ZSWIM6: variants seen among roughly 807,000 people sequenced by gnomAD.
ZSWIM6 encodes zinc finger SWIM domain-containing protein 6.
In ZSWIM6, 9 loss-of-function variants were observed where a neutral mutation model predicts 113.2. The ratio of observed to expected loss-of-function variants is 0.08; its 90% CI spans 0.05 to 0.14. The LOEUF (loss-of-function observed/expected upper bound fraction) is 0.14. Among genes scored for constraint, ZSWIM6 ranks in the 10% least tolerant of loss-of-function variants. ZSWIM6 has a pLI of 1.00. For missense variants in ZSWIM6, 1,162 were observed against 1,552.2 expected, an observed-to-expected ratio of 0.75 and a Z score of 4.22; for synonymous variants, 611 against 606.5, an observed-to-expected ratio of 1.01 and a Z score of -0.11.
At chr5:61,530,699 C>T (rs532130102) in intron 8 of ZSWIM6, among the ~76,000 whole-genome samples, 4 of 152,136 alleles carry the variant, frequency 2.6e-5, no homozygotes, top group Non-Finnish European at 5.9e-5. Flanking sequence ...CACTTTGGCC[C>T]ATTGAAACTT....
intron 1 of ZSWIM6, among the ~76,000 whole-genome samples, chr5:61,388,390 GA>G (rs1335145986): frequency 6.6e-6 from 1 of 152,158 alleles, no homozygotes; most frequent in Non-Finnish European, 1.5e-5. Flanking sequence ...AAAATTGTTT[GA>G]ATTAGTGGCC....
chr5:61,533,148 C>G (rs1300045078), intron 9 of ZSWIM6, among the ~76,000 whole-genome samples: 1 of 152,192 alleles, frequency 6.6e-6, no homozygotes, highest in Non-Finnish European at 1.5e-5. Context: ...TGAGAAGGAG[C>G]ATTGTTGACT....
chr5:61,457,577 A>G (rs1747230117), intron 1 of ZSWIM6, among the ~76,000 whole-genome samples: 1 of 152,042 alleles, frequency 6.6e-6, no homozygotes, highest in Non-Finnish European at 1.5e-5. Flanking sequence ...GCTGGAGTGC[A>G]CTGGCGTGAT....
At chr5:61,493,563 G>A (rs1195947302) in intron 3 of ZSWIM6, among the ~76,000 whole-genome samples, 1 of 152,076 alleles carries the variant, frequency 6.6e-6, no homozygotes, top group East Asian at 1.9e-4. Flanking sequence ...TTCTCTGATG[G>A]TAAGTACAAT....
At chr5:61,456,890 C>CTTTTTTTT (rs57188174) in intron 1 of ZSWIM6, among the ~76,000 whole-genome samples, 1 of 142,754 alleles carries the variant, frequency 7.0e-6, no homozygotes, top group African/African-American at 2.6e-5. Context: ...TATCCAATTT[C>CTTTTTTTT]TTTTTTTTTT....
intron 1 of ZSWIM6, among the ~76,000 whole-genome samples, chr5:61,459,039 A>G (rs1580006794): frequency 6.6e-6 from 1 of 152,186 alleles, no homozygotes; most frequent in Non-Finnish European, 1.5e-5. Flanking sequence ...AGCCTAAGCC[A>G]CTATGTACAT....
intron 1 of ZSWIM6, among the ~76,000 whole-genome samples, chr5:61,423,848 C>A (rs960580886): frequency 4.6e-5 from 7 of 152,290 alleles, no homozygotes; most frequent in Admixed American, 6.5e-5. Flanking sequence ...CACTTCCCCC[C>A]ACTCCCCATG....
At chr5:61,513,602 G>A (rs1748848341) in intron 4 of ZSWIM6, among the ~76,000 whole-genome samples, 1 of 151,736 alleles carries the variant, frequency 6.6e-6, no homozygotes, top group Non-Finnish European at 1.5e-5. Flanking sequence ...CAGTTTTATG[G>A]TTTTAATTTT....
At chr5:61,450,706 T>C (rs949405218) in intron 1 of ZSWIM6, among the ~76,000 whole-genome samples, 2 of 152,090 alleles carry the variant, frequency 1.3e-5, no homozygotes, top group African/African-American at 2.4e-5. Flanking sequence ...GACTCCAAAT[T>C]TGTGAGTAGT....
chr5:61,423,869 G>A (rs550256814), intron 1 of ZSWIM6, among the ~76,000 whole-genome samples: 1 of 152,196 alleles, frequency 6.6e-6, no homozygotes, highest in African/African-American at 2.4e-5. Flanking sequence ...CAAGAATTTC[G>A]ATACTGGCTG....
chr5:61,511,736 T>C (rs1561271646), intron 4 of ZSWIM6, among the ~76,000 whole-genome samples: 1 of 152,180 alleles, frequency 6.6e-6, no homozygotes, highest in East Asian at 1.9e-4. Context: ...TAAATGTTTG[T>C]TGTTTATGAG....
chr5:61,466,989 G>A (rs1296141775), intron 1 of ZSWIM6, among the ~76,000 whole-genome samples: 1 of 152,204 alleles, frequency 6.6e-6, no homozygotes, highest in Non-Finnish European at 1.5e-5. Flanking sequence ...GTGTTCATGT[G>A]TGAGGACTTT....
At chr5:61,366,945 A>AG (rs1745168055) in intron 1 of ZSWIM6, among the ~76,000 whole-genome samples, 1 of 151,232 alleles carries the variant, frequency 6.6e-6, no homozygotes, top group East Asian at 1.9e-4. Flanking sequence ...AAAAAAAAAA[A>AG]GGCACAGAAG....
At chr5:61,353,925 G>T (rs905756473) in intron 1 of ZSWIM6, among the ~76,000 whole-genome samples, 7 of 152,226 alleles carry the variant, frequency 4.6e-5, no homozygotes, top group Non-Finnish European at 1.0e-4. Flanking sequence ...AGTTCTTGTG[G>T]ATTGTGTTGG....
intron 1 of ZSWIM6, among the ~76,000 whole-genome samples, chr5:61,411,510 T>A (rs1367237346): frequency 6.6e-6 from 1 of 152,242 alleles, no homozygotes; most frequent in Non-Finnish European, 1.5e-5. Context: ...CACTTTAAAA[T>A]TACTTTTGTC....
rs1580062677 is a variant in ZSWIM6, at chr5:61,525,883, C to A, written c.1597C>A (p.His533Asn). 6.4e-7 allele frequency: 1 copy of A among 1,552,020 alleles called. No individual in the cohort carries two copies. The highest frequency in any genetic ancestry group is 8.7e-7 in the Non-Finnish European group (1 of 1,147,052). Residue 533 changes from histidine (H) to asparagine (N), a missense_variant, in exon 6 of 14, where the codon CAC becomes AAC. By Grantham distance (68) the His-to-Asn change is moderately conservative (BLOSUM62 1). Coordinates refer to ENST00000252744, the MANE Select transcript of ZSWIM6 (RefSeq NM_020928.2). ...DLHWQDSHLQ[H>N]IISSDLYTNY... ...CCACTGGCAGGATAGCCACTTGCAG[C>A]ACATTATCAGCAGTGACCTATACAC...
chr5:61,456,124 A>G (rs1272959291), intron 1 of ZSWIM6, among the ~76,000 whole-genome samples: 1 of 152,104 alleles, frequency 6.6e-6, no homozygotes, highest in East Asian at 1.9e-4. Flanking sequence ...CCTTAAAATT[A>G]TATCATTATA....
intron 4 of ZSWIM6, among the ~76,000 whole-genome samples, chr5:61,519,122 A>G (rs1749041961): frequency 1.3e-5 from 2 of 152,270 alleles, no homozygotes; most frequent in Non-Finnish European, 2.9e-5. Flanking sequence ...AATTTCTTAA[A>G]GCATGCAACA....
intron 4 of ZSWIM6, among the ~76,000 whole-genome samples, chr5:61,510,857 A>G (rs570329004): frequency 1.7e-4 from 26 of 152,282 alleles, no homozygotes; most frequent in African/African-American, 4.8e-4. Flanking sequence ...GCAGAAAATG[A>G]TGACTTTTCT....
Sources: gnomAD v4.1 joint callset for allele counts (sites outside exome capture counted in the v4.1 genomes callset) on GRCh38, gnomAD v4.1.1 for gene constraint, MANE v1.5 for transcripts, NCBI Gene and HGNC (gene_info 2026-07-23, HGNC 2026-07-21) for gene names.